The following ZNF382 variants were observed in gnomAD, a reference collection of about 807,000 sequenced individuals.
ZNF382 encodes zinc finger protein 382.
In ZNF382, 20 loss-of-function variants were observed where a neutral mutation model predicts 38.8. That is an observed-to-expected ratio of 0.51 (90% CI 0.36 to 0.75). The LOEUF is 0.75. Among genes scored for constraint, ZNF382 ranks in the 30% least tolerant of loss-of-function variants. The pLI, the probability that ZNF382 is intolerant of heterozygous loss-of-function variation, is 0.00. For missense variants in ZNF382, 546 were observed against 654.1 expected (o/e 0.83, Z 1.80); for synonymous variants, 202 against 223.1 (o/e 0.91, Z 0.84).
intron 4 of ZNF382, among the ~76,000 whole-genome samples, chr19:36,618,661 C>G (rs1445562089): frequency 6.6e-6 from 1 of 151,078 alleles, no homozygotes; most frequent in African/African-American, 2.4e-5. Flanking sequence ...TACTTTTGGT[C>G]ATTCTTTAGT....
At chr19:36,617,628 T>C (rs1198548780) in intron 4 of ZNF382, among the ~76,000 whole-genome samples, 1 of 152,152 alleles carries the variant, frequency 6.6e-6, no homozygotes, top group African/African-American at 2.4e-5. Flanking sequence ...GGTTTTGAAG[T>C]ACTGGGGAGA....
At chr19:36,607,382 C>G (rs927491535) in intron 1 of ZNF382, among the ~76,000 whole-genome samples, 170 bp from the exon 2 acceptor site, 5 of 152,076 alleles carry the variant, frequency 3.3e-5, no homozygotes, top group South Asian at 2.1e-4. Flanking sequence ...TGTGAGGGAG[C>G]CTGATTTGTC....
intron 4 of ZNF382, among the ~76,000 whole-genome samples, chr19:36,616,094 A>T (rs2037123813): frequency 6.6e-6 from 1 of 152,198 alleles, no homozygotes; most frequent in Non-Finnish European, 1.5e-5. Context: ...TTATAAATTA[A>T]TTTGGCCAAG....
Position 36,626,477 on chromosome 19 carries a change from A to C in ZNF382, c.580A>C (p.Ser194Arg), listed in dbSNP as rs747027881. The change falls in exon 5 of 5, where the codon AGT becomes CGT. Residue 194 changes from serine (S) to arginine (R), a missense_variant. By Grantham distance (110) the Ser-to-Arg change is moderately radical. Transcript: ENST00000292928. ...CCATAAACAAACAGAAAGAGTTCTC[A>C]GTGGTAAACAGGAGCTTATTCAGCA... ...NLHKQTERVL[S>R]GKQELIQHQK... is the part of the protein sequence containing the mutation. 5.6e-6 allele frequency: 9 copies of C among 1,601,566 alleles called. No individual in the cohort carries two copies. Among genetic ancestry groups the C allele is most frequent in the Non-Finnish European group, 7.7e-6 (9 of 1,176,436 alleles).
Position 36,627,274 on chromosome 19 carries a change from G to C in ZNF382, c.1377G>C (p.Thr459=). Residue 459 remains threonine (T), a synonymous_variant, in exon 5 of 5, where the codon ACG becomes ACC. Transcript: ENST00000292928. Reference sequence around the variant, plus strand: ...TCACTCTCCACCAGAGAATTCACACGGGGGAAAAACCCTATATTTGTAATG... The same window carrying C: ...TCACTCTCCACCAGAGAATTCACACCGGGGAAAAACCCTATATTTGTAATG... ...TTLTLHQRIH[T]GEKPYICNEC... The C allele has an allele frequency of 6.3e-7, 1 of 1,598,690 alleles. No homozygotes were observed. The highest frequency in any genetic ancestry group is 8.5e-7 in the Non-Finnish European group (1 of 1,174,350).
In ZNF382 at chr19:36,627,756, A is replaced by G. The variant is rs1031953916; in HGVS notation, c.*206A>G. Reference sequence around the variant, plus strand: ...ATGACAAAAATCATTAAGAAGTCCAAACTTTTTTTTTATTACTAGCTTCAG... The same window carrying G: ...ATGACAAAAATCATTAAGAAGTCCAGACTTTTTTTTTATTACTAGCTTCAG... On this transcript the variant is annotated 3_prime_UTR_variant, in exon 5 of 5. Coordinates refer to ENST00000292928, the MANE Select transcript of ZNF382 (RefSeq NM_032825.5). 28 of 481,708 alleles carry G rather than the reference A, an allele frequency of 5.8e-5. No individual in the cohort carries two copies. In the South Asian group the frequency reaches 1.0e-3, roughly 17 times the overall value. The allele number at this position is 481,708 out of a possible 1,614,324, so 29.8% of individuals were successfully genotyped here.
intron 4 of ZNF382, among the ~76,000 whole-genome samples, chr19:36,621,841 G>GTCCCCTTAGATTGGA (rs1288626834): frequency 6.6e-6 from 1 of 152,100 alleles, no homozygotes; most frequent in East Asian, 1.9e-4. Flanking sequence ...AGGGAAAACT[G>GTCCCCTTAGATTGGA]TAATTGGTTT....
intron 4 of ZNF382, among the ~76,000 whole-genome samples, chr19:36,625,089 A>AATATATATATATATATATATATATAT (rs371760229): frequency 2.3e-5 from 1 of 42,994 alleles, no homozygotes; most frequent in African/African-American, 6.7e-5. Context: ...AATGAATTTA[A>AATATATATATATATATATATATATAT]ATATATATAT....
rs142141543 is a variant in ZNF382, at chr19:36,626,831, A to T, written c.934A>T (p.Ile312Phe). ...TAACTTTAGAAGGAAGTCATACCTC[A>T]TTGAACATCAGCGAATTCACACAGG... ...GNNFRRKSYL[I>F]EHQRIHTGEK... is the part of the protein sequence containing the mutation. Residue 312 changes from isoleucine to phenylalanine, a missense_variant, in exon 5 of 5, where the codon ATT (isoleucine) becomes TTT (phenylalanine). Physicochemically the swap from Ile to Phe is conservative, Grantham distance 21. Transcript: ENST00000292928. 1.2e-6 allele frequency: 2 copies of T among 1,614,146 alleles called. No homozygotes were observed. The highest frequency in any genetic ancestry group is 3.3e-5 in the Admixed American group (2 of 60,014).
At position 36,633,257 on chromosome 19, in the gene ZNF382, G is replaced by A. The variant is rs915499851; in HGVS notation, c.*5707G>A. 6.6e-6 allele frequency: 1 copy of A among 151,556 alleles called. No homozygotes were observed. The highest frequency in any genetic ancestry group is 1.9e-4 in the East Asian group (1 of 5,162). 9.4% of individuals were successfully genotyped at this position (151,556 alleles called of 1,614,324 possible). A position where few individuals can be genotyped will look rare whatever the true frequency, so the allele number is the denominator to read the frequency against. On this transcript the variant is annotated 3_prime_UTR_variant, in exon 5 of 5. Transcript: ENST00000292928. The stretch of plus-strand genomic sequence containing the variant: ...GTTTTACTGTGTTAGCCAGGGTGGT[G>A]TCGATCTCCTGACCTCATGATCCGC...
At chr19:36,611,397 G>C (rs1454700546) in intron 4 of ZNF382, among the ~76,000 whole-genome samples, 2 of 152,084 alleles carry the variant, frequency 1.3e-5, no homozygotes, top group Non-Finnish European at 2.9e-5. Flanking sequence ...GGTACCTCTT[G>C]TAAGTGCAAT....
Position 36,629,185 on chromosome 19 carries a change from T to A in ZNF382, c.*1635T>A, listed in dbSNP as rs1477483822. On this transcript the variant is annotated 3_prime_UTR_variant, in exon 5 of 5. Transcript: ENST00000292928. ...CATGTTGGCCAGGCTGGTCTCGAACTCCTGACCTCAGGTGATCTGCCTGCC... is the reference window on the plus strand; with the variant it reads ...CATGTTGGCCAGGCTGGTCTCGAACACCTGACCTCAGGTGATCTGCCTGCC... 1 of 152,260 alleles carries A rather than the reference T, an allele frequency of 6.6e-6. No individual in the cohort carries two copies. Among genetic ancestry groups the A allele is most frequent in the Non-Finnish European group, 1.5e-5 (1 of 68,138 alleles). The allele number at this position is 152,260 out of a possible 1,614,324, so 9.4% of individuals were successfully genotyped here.
At position 36,630,973 on chromosome 19, in the gene ZNF382, T is replaced by C. The variant is rs934869822; in HGVS notation, c.*3423T>C. ...CTAATGTTTTTATTTTTTATACATA[T>C]GGGGTCTCGTTGTGTTGCCCAGGCT... On this transcript the variant is annotated 3_prime_UTR_variant, in exon 5 of 5. Transcript: ENST00000292928. 4.6e-5 allele frequency: 7 copies of C among 151,882 alleles called. No individual in the cohort carries two copies. The highest frequency in any genetic ancestry group is 3.3e-4 in the Admixed American group (5 of 15,226). The allele number at this position is 151,882 out of a possible 1,614,324, so 9.4% of individuals were successfully genotyped here.
At position 36,614,914 on chromosome 19, in the gene ZNF382, C is replaced by CTTTCCTTCCCTTTCCCT. The variant is rs752527955; in HGVS notation, c.232+4174_232+4175insTCCTTCCCTTTCCCTTT. ...CTTTCCTTTCCTTTCCTTTCCTTTC[C>CTTTCCTTCCCTTTCCCT]TTCCCTTTCCCTTTCCCTTTCCCTT... On this transcript the variant is annotated intron_variant, in intron 4 of 4. Coordinates refer to ENST00000292928, the MANE Select transcript of ZNF382 (RefSeq NM_032825.5). Among the ~76,000 whole-genome samples the CTTTCCTTCCCTTTCCCT allele has an allele frequency of 2.7e-3, 244 of 90,796 alleles. 4 individuals carry two copies. The highest frequency in any genetic ancestry group is 3.3e-3 in the African/African-American group (72 of 21,514). The allele number at this position is 90,796 out of a possible 152,430, so 59.6% of individuals were successfully genotyped here. A position where few individuals can be genotyped will look rare whatever the true frequency, so the allele number is the denominator to read the frequency against.
At chr19:36,623,973 C>T (rs1255742900) in intron 4 of ZNF382, among the ~76,000 whole-genome samples, 2 of 151,974 alleles carry the variant, frequency 1.3e-5, no homozygotes, top group African/African-American at 4.8e-5. Flanking sequence ...CCTGTAATCC[C>T]AGCTTCTCAT....
At position 36,605,330 on chromosome 19, in the gene ZNF382, G is replaced by C. The variant is rs1055546276; in HGVS notation, c.-102G>C. 1.3e-5 allele frequency: 2 copies of C among 152,626 alleles called. No homozygotes were observed. The highest frequency in any genetic ancestry group is 4.8e-5 in the African/African-American group (2 of 41,482). 9.5% of individuals were successfully genotyped at this position (152,626 alleles called of 1,614,324 possible). ...GCGCAGGCGCAGACGACTCACCCTG[G>C]GCCGGGGGTGAGGCTTGGTGGGTGC... On this transcript the variant is annotated 5_prime_UTR_variant, in exon 1 of 5. Coordinates refer to ENST00000292928, the MANE Select transcript of ZNF382 (RefSeq NM_032825.5).
chr19:36,626,864 C>G lies in ZNF382; in HGVS notation c.967C>G (p.Pro323Ala). The change falls in exon 5 of 5, where the codon CCT (proline) becomes GCT (alanine). Residue 323 changes from proline (P) to alanine (A), a missense_variant. Pro to Ala is a conservative substitution (Grantham distance 27). Coordinates refer to ENST00000292928, the MANE Select transcript of ZNF382 (RefSeq NM_032825.5). ...TCAGCGAATTCACACAGGTGAAAAA[C>G]CTTATGTTTGCAATCAATGTGGAAA... Reference protein sequence around the residue: ...EHQRIHTGEKPYVCNQCGKAF... With the variant: ...EHQRIHTGEKAYVCNQCGKAF... 1 of 1,614,204 alleles carries G rather than the reference C, an allele frequency of 6.2e-7. No homozygotes were observed. Among genetic ancestry groups the G allele is most frequent in the Non-Finnish European group, 8.5e-7 (1 of 1,180,034 alleles).
At position 36,610,058 on chromosome 19, in the gene ZNF382, G is replaced by C; in HGVS notation, c.139+5G>C. 1 of 1,613,450 alleles carries C rather than the reference G, an allele frequency of 6.2e-7. No individual in the cohort carries two copies. ...ATTGCCACTTCGTATCTGTGGGTAA[G>C]AAACACTCCTGAATCTTTCACTGTC... On this transcript the variant is annotated splice_donor_5th_base_variant and intron_variant, in intron 3 of 4. Coordinates refer to ENST00000292928, the MANE Select transcript of ZNF382 (RefSeq NM_032825.5).
chr19:36,609,778 G>T, intron 2 of ZNF382, 124 bp from the exon 3 acceptor site: 2 of 822,428 alleles, frequency 2.4e-6, no homozygotes, highest in Non-Finnish European at 3.6e-6. Context: ...AAATACAAAT[G>T]GATGTATTTT....
Sources: gnomAD v4.1 joint callset for allele counts (sites outside exome capture counted in the v4.1 genomes callset) on GRCh38, gnomAD v4.1.1 for gene constraint, MANE v1.5 for transcripts, NCBI Gene and HGNC (gene_info 2026-07-23, HGNC 2026-07-21) for gene names.